The following XPOT variants were observed in gnomAD, a reference collection of about 807,000 sequenced individuals.
XPOT encodes the protein exportin for tRNA, also known as exportin-T.
In XPOT, 34 loss-of-function variants were observed where a neutral mutation model predicts 128.2. The observed-to-expected ratio is 0.27, with a 90% confidence interval of 0.20 to 0.35. XPOT has a LOEUF of 0.35. Ranked by LOEUF, XPOT falls within the 10% of genes least tolerant of loss-of-function variation. The pLI is 1.00. For missense variants in XPOT, 838 were observed against 1,125.3 expected (o/e 0.74, Z 3.65); for synonymous variants, 348 against 394.3 (o/e 0.88, Z 1.39).
rs1263314035 is a variant in XPOT at position 64,431,631 on chromosome 12, C to T, written c.2070C>T (p.Ala690=). The change falls in exon 18 of 25, where the codon GCC becomes GCT. Residue 690 remains alanine (A), a synonymous_variant. Transcript: ENST00000332707. ...ACTGTTTACAGACATTCTTGCCAGCCCTCAGTTGTCCCTTACAAAAGGATA... is the reference window on the plus strand; with the variant it reads ...ACTGTTTACAGACATTCTTGCCAGCTCTCAGTTGTCCCTTACAAAAGGATA... ...YLDCLQTFLP[A]LSCPLQKDIL... 3 of 1,613,920 alleles carry T rather than the reference C, an allele frequency of 1.9e-6. No individual in the cohort carries two copies. The highest frequency in any genetic ancestry group is 2.2e-5 in the South Asian group (2 of 91,072).
In XPOT at chr12:64,448,165, T is replaced by C. The variant is rs745342883; in HGVS notation, c.*34T>C. 1 of 1,610,920 alleles carries C rather than the reference T, an allele frequency of 6.2e-7. No individual in the cohort carries two copies. Among genetic ancestry groups the C allele is most frequent in the South Asian group, 1.1e-5 (1 of 91,002 alleles). On this transcript the variant is annotated 3_prime_UTR_variant, in exon 25 of 25. Coordinates refer to ENST00000332707, the MANE Select transcript of XPOT (RefSeq NM_007235.6). Reference sequence around the variant, plus strand: ...TTTCCCTGTGCCTACTTCATGATCATGAATTCCAGTTAATTTATAAAGAGG... The same window carrying C: ...TTTCCCTGTGCCTACTTCATGATCACGAATTCCAGTTAATTTATAAAGAGG...
intron 17 of XPOT, 80 bp downstream of exon 17, chr12:64,430,367 T>C (rs1180394137): frequency 1.7e-6 from 2 of 1,148,450 alleles, no homozygotes; most frequent in Non-Finnish European, 1.2e-6. Flanking sequence ...CACACACATT[T>C]GTGTTTCCAC....
chr12:64,410,827 A>G (rs147058487), intron 2 of XPOT, among the ~76,000 whole-genome samples: 148 of 95,336 alleles, frequency 1.6e-3, no homozygotes, highest in African/African-American at 5.6e-3. Context: ...AATATAAAGA[A>G]TGAGCCTATA....
intron 22 of XPOT, among the ~76,000 whole-genome samples, chr12:64,437,852 C>T (rs564963440): frequency 1.8e-4 from 28 of 152,196 alleles, no homozygotes; most frequent in African/African-American, 5.8e-4. Flanking sequence ...TGGTGGTGCA[C>T]GCCTGTAATC....
Position 64,420,860 on chromosome 12 carries a change from G to A in XPOT, c.843+339G>A, listed in dbSNP as rs2040131414. On this transcript the variant is annotated intron_variant, in intron 8 of 24. Coordinates refer to ENST00000332707, the MANE Select transcript of XPOT (RefSeq NM_007235.6). ...CTGTTGCCCAGGCTGGAGTGCAGTGGCACAGTCTCGGCTCACTGCAACCTC... is the reference window on the plus strand; with the variant it reads ...CTGTTGCCCAGGCTGGAGTGCAGTGACACAGTCTCGGCTCACTGCAACCTC... Among the ~76,000 whole-genome samples the A allele has an allele frequency of 2.0e-5, 3 of 152,124 alleles. No homozygotes were observed. The South Asian group carries it at 6.2e-4, about 32-fold the overall frequency.
chr12:64,416,805 TTTTAA>T (rs759404387), intron 4 of XPOT, 51 bp downstream of exon 4: 6 of 1,476,860 alleles, frequency 4.1e-6, no homozygotes, highest in Middle Eastern at 1.8e-4. Flanking sequence ...GAGGTCATTT[TTTTAA>T]TTTAATGTTT....
rs1037352499 is a variant in XPOT at position 64,408,057 on chromosome 12, A to G, written c.-74-1905A>G. On this transcript the variant is annotated intron_variant, in intron 1 of 24. Transcript: ENST00000332707. The stretch of plus-strand genomic sequence containing the variant: ...GCTTTTCTCCCCTACCCCCAATCCA[A>G]TTAGTTTTTTGGCGTCTTTGGTTAA... 6.6e-5 allele frequency among the ~76,000 whole-genome samples: 10 copies of G among 152,038 alleles called. 1 individual carries two copies. In the Middle Eastern group the frequency reaches 0.017, roughly 260 times the overall value.
At chr12:64,417,504 T>A (rs1003406998) in intron 4 of XPOT, among the ~76,000 whole-genome samples, 1 of 148,020 alleles carries the variant, frequency 6.8e-6, no homozygotes, top group Admixed American at 6.8e-5. Context: ...CACTTCAGCC[T>A]GGGCAATACA....
chr12:64,415,498 C>G (rs2040079001), intron 3 of XPOT, among the ~76,000 whole-genome samples: 1 of 152,040 alleles, frequency 6.6e-6, no homozygotes, highest in Non-Finnish European at 1.5e-5. Flanking sequence ...CCTCAGCCTC[C>G]TGAGTAGCTG....
In XPOT at chr12:64,445,138, A is replaced by AT; in HGVS notation, c.2862+10dup. ...TTTTAAAAATTACTTAAAGGTAGGT[A>AT]TTTGTGAAGCTCACGTATCTTCATA... is the stretch of plus-strand genomic sequence containing the variant. On this transcript the variant is annotated splice_region_variant and intron_variant, in intron 24 of 24. Transcript: ENST00000332707. 1 of 1,605,660 alleles carries AT rather than the reference A, an allele frequency of 6.2e-7. No homozygotes were observed. Among genetic ancestry groups the AT allele is most frequent in the Non-Finnish European group, 8.5e-7 (1 of 1,175,134 alleles).
intron 3 of XPOT, among the ~76,000 whole-genome samples, chr12:64,415,790 G>A (rs142374206): frequency 4.6e-5 from 7 of 151,940 alleles, no homozygotes; most frequent in African/African-American, 7.3e-5. Flanking sequence ...CACTTTATTC[G>A]TAGGTTGGTC....
At chr12:64,421,180 T>C in intron 8 of XPOT, 55 bp from the exon 9 acceptor site, 1 of 1,283,256 alleles carries the variant, frequency 7.8e-7, no homozygotes, top group Non-Finnish European at 1.1e-6. Flanking sequence ...GTTCAGTTTT[T>C]CCTCTTAGCT....
rs2040390274 is a variant in XPOT at position 64,449,247 on chromosome 12, T to C, written c.*1116T>C. 6.6e-6 allele frequency: 1 copy of C among 152,096 alleles called. No homozygotes were observed. Among genetic ancestry groups the C allele is most frequent in the Non-Finnish European group, 1.5e-5 (1 of 68,008 alleles). The allele number at this position is 152,096 out of a possible 1,614,324, so 9.4% of individuals were successfully genotyped here. Reference sequence around the variant, plus strand: ...CCAATTTATTTTCTAACTCTTTTATTGGATGTATTTAGAACACAGTATACC... The same window carrying C: ...CCAATTTATTTTCTAACTCTTTTATCGGATGTATTTAGAACACAGTATACC... On this transcript the variant is annotated 3_prime_UTR_variant, in exon 25 of 25. Transcript: ENST00000332707.
At chr12:64,430,363 C>A in intron 17 of XPOT, 76 bp downstream of exon 17, 1 of 1,166,764 alleles carries the variant, frequency 8.6e-7, no homozygotes, top group Non-Finnish European at 1.2e-6. Flanking sequence ...TGGGCACACA[C>A]ATTTGTGTTT....
rs2136045135 is a variant in XPOT at position 64,449,682 on chromosome 12, GAC to G, written c.*1553_*1554del. 6.6e-6 allele frequency: 1 copy of G among 152,118 alleles called. No homozygotes were observed. The highest frequency in any genetic ancestry group is 2.1e-4 in the South Asian group (1 of 4,782). The allele number at this position is 152,118 out of a possible 1,614,324, so 9.4% of individuals were successfully genotyped here. A position where few individuals can be genotyped will look rare whatever the true frequency, so the allele number is the denominator to read the frequency against. ...TATAATAAAAATACTTAACTAAATT[GAC>G]AGTTATAAAAATAAATCAGTGAAAT... is the stretch of plus-strand genomic sequence containing the variant. On this transcript the variant is annotated 3_prime_UTR_variant, in exon 25 of 25. Transcript: ENST00000332707.
At chr12:64,417,623 G>T (rs1197660195) in intron 4 of XPOT, among the ~76,000 whole-genome samples, 1 of 152,110 alleles carries the variant, frequency 6.6e-6, no homozygotes, top group Non-Finnish European at 1.5e-5. Context: ...GTAACACCAG[G>T]CCTGTTTTTC....
rs2040406838 is a variant in XPOT, at chr12:64,450,870, T to C, written c.*2739T>C. The C allele has an allele frequency of 6.6e-6, 1 of 152,218 alleles. No individual in the cohort carries two copies. The highest frequency in any genetic ancestry group is 2.4e-5 in the African/African-American group (1 of 41,458). The allele number at this position is 152,218 out of a possible 1,614,324, so 9.4% of individuals were successfully genotyped here. A position where few individuals can be genotyped will look rare whatever the true frequency, so the allele number is the denominator to read the frequency against. ...TAATTGCTTCCCAGTTGGTTGACCT[T>C]ATAAGAAAACACTGTGTGGTATTTT... On this transcript the variant is annotated 3_prime_UTR_variant, in exon 25 of 25. Coordinates refer to ENST00000332707, the MANE Select transcript of XPOT (RefSeq NM_007235.6).
intron 23 of XPOT, among the ~76,000 whole-genome samples, chr12:64,440,173 A>G (rs2136036990): frequency 6.6e-6 from 1 of 152,272 alleles, no homozygotes; most frequent in East Asian, 1.9e-4. Context: ...CTACTCTCTG[A>G]TTCTGTGAAT....
chr12:64,408,077 G>A (rs1370469286), intron 1 of XPOT, among the ~76,000 whole-genome samples: 1 of 151,976 alleles, frequency 6.6e-6, no homozygotes, highest in Non-Finnish European at 1.5e-5. Context: ...TGGCGTCTTT[G>A]GTTAACGGTA....
Sources: gnomAD v4.1 joint callset for allele counts (sites outside exome capture counted in the v4.1 genomes callset) on GRCh38, gnomAD v4.1.1 for gene constraint, MANE v1.5 for transcripts, NCBI Gene and HGNC (gene_info 2026-07-23, HGNC 2026-07-21) for gene names.